RABGAP1L: variants seen among roughly 807,000 people sequenced by gnomAD.
RABGAP1L encodes the protein RAB GTPase activating protein 1 like, also known as rab GTPase-activating protein 1-like.
In RABGAP1L, 63 loss-of-function variants were observed where a neutral mutation model predicts 137.7. That is an observed-to-expected ratio of 0.46 (90% CI 0.37 to 0.56). The LOEUF is 0.56. RABGAP1L is among the 20% of genes least tolerant of loss of function. The probability of loss-of-function intolerance (pLI) is 0.00; values close to 1 mark genes in which losing one functional copy is unlikely to be tolerated. For synonymous variants in RABGAP1L, 431 were observed against 433.7 expected (o/e 0.99, Z 0.08); for missense variants, 1,095 against 1,244.0 (o/e 0.88, Z 1.80).
At chr1:174,610,353 A>AT (rs1268704117) in intron 13 of RABGAP1L, among the ~76,000 whole-genome samples, 1 of 151,092 alleles carries the variant, frequency 6.6e-6, no homozygotes, top group Non-Finnish European at 1.5e-5. Flanking sequence ...ATGATTTCCA[A>AT]TTTCATCCAT....
chr1:174,163,864 A>G (rs1359139163), intron 1 of RABGAP1L, among the ~76,000 whole-genome samples: 2 of 152,170 alleles, frequency 1.3e-5, no homozygotes, highest in Non-Finnish European at 2.9e-5. Flanking sequence ...AAATTCAGCA[A>G]GAACTATGCA....
At chr1:174,783,559 A>G (rs1482581541) in intron 18 of RABGAP1L, among the ~76,000 whole-genome samples, 1 of 152,120 alleles carries the variant, frequency 6.6e-6, no homozygotes, top group African/African-American at 2.4e-5. Context: ...GTTAATGCCT[A>G]ATACCTAAGA....
chr1:174,568,697 G>T (rs1041621648), intron 13 of RABGAP1L, among the ~76,000 whole-genome samples: 1 of 152,062 alleles, frequency 6.6e-6, no homozygotes, highest in African/African-American at 2.4e-5. Context: ...CTGAGTGTGT[G>T]TGTGTATTTG....
At chr1:174,478,535 C>T (rs1040846652) in intron 13 of RABGAP1L, among the ~76,000 whole-genome samples, 1 of 152,128 alleles carries the variant, frequency 6.6e-6, no homozygotes, top group African/African-American at 2.4e-5. Context: ...CTTGGCCTCC[C>T]AGAGTGCTGG....
chr1:174,713,658 A>T (rs1422318440), intron 17 of RABGAP1L, among the ~76,000 whole-genome samples: 1 of 152,212 alleles, frequency 6.6e-6, no homozygotes, highest in Non-Finnish European at 1.5e-5. Context: ...CCAGCAGCAG[A>T]TGCTGGCACT....
intron 13 of RABGAP1L, among the ~76,000 whole-genome samples, chr1:174,495,886 G>T (rs1014458890): frequency 6.6e-6 from 1 of 152,072 alleles, no homozygotes; most frequent in East Asian, 1.9e-4. Context: ...CTAGGTCAAA[G>T]ACTTATTTTA....
intron 18 of RABGAP1L, among the ~76,000 whole-genome samples, chr1:174,806,759 A>G (rs1484166183): frequency 6.6e-6 from 1 of 152,240 alleles, no homozygotes; most frequent in African/African-American, 2.4e-5. Flanking sequence ...TAATTACATT[A>G]CATTAATGCT....
intron 24 of RABGAP1L, among the ~76,000 whole-genome samples, chr1:174,983,433 G>A (rs1671303947): frequency 6.6e-6 from 1 of 152,134 alleles, no homozygotes; most frequent in Non-Finnish European, 1.5e-5. Flanking sequence ...AATGCATTAT[G>A]TTGATGCTCT....
chr1:174,580,137 G>T (rs1300291564), intron 13 of RABGAP1L, among the ~76,000 whole-genome samples: 1 of 152,184 alleles, frequency 6.6e-6, no homozygotes, highest in Non-Finnish European at 1.5e-5. Flanking sequence ...ACATAAACTG[G>T]ACTTCCTTAA....
rs1324567196 is a variant in RABGAP1L at position 174,159,635 on chromosome 1, AG to A, written c.-55del. On this transcript the variant is annotated 5_prime_UTR_variant, in exon 1 of 26. Coordinates refer to ENST00000681986, the MANE Select transcript of RABGAP1L (RefSeq NM_001366446.1). ...CGCCTGAAGGAGTTGTTGTCTCGGC[AG>A]CGCCCGCGGAGACGTGAAGAGGTGA... 6.6e-6 allele frequency: 1 copy of A among 152,284 alleles called. No homozygotes were observed. Among genetic ancestry groups the A allele is most frequent in the Non-Finnish European group, 1.5e-5 (1 of 68,132 alleles). 9.4% of individuals were successfully genotyped at this position (152,284 alleles called of 1,614,324 possible).
intron 13 of RABGAP1L, among the ~76,000 whole-genome samples, chr1:174,442,813 G>A (rs780814381): frequency 5.9e-5 from 9 of 152,028 alleles, no homozygotes; most frequent in Non-Finnish European, 1.0e-4. Context: ...CCACTAGAAC[G>A]TATTCCTTCT....
chr1:174,349,661 G>C, intron 11 of RABGAP1L, among the ~76,000 whole-genome samples: 1 of 100,488 alleles, frequency 1.0e-5, no homozygotes, highest in African/African-American at 3.9e-5. Context: ...CCTCCCGGAC[G>C]AGGCGGCTGG....
At chr1:174,406,711 G>A (rs1649324645) in intron 13 of RABGAP1L, among the ~76,000 whole-genome samples, 1 of 152,132 alleles carries the variant, frequency 6.6e-6, no homozygotes. Flanking sequence ...AAGGCAGGAA[G>A]ATCTCGAGTC....
At chr1:174,229,531 T>C (rs573276006) in intron 3 of RABGAP1L, among the ~76,000 whole-genome samples, 7 of 152,186 alleles carry the variant, frequency 4.6e-5, no homozygotes. Flanking sequence ...GGAATTTCGG[T>C]GTTTAAACGG....
chr1:174,718,359 T>G (rs991859058), intron 17 of RABGAP1L, among the ~76,000 whole-genome samples: 8 of 152,202 alleles, frequency 5.3e-5, no homozygotes, highest in Non-Finnish European at 1.2e-4. Context: ...GCTCATCTGT[T>G]GGCATAACTT....
intron 18 of RABGAP1L, among the ~76,000 whole-genome samples, chr1:174,785,729 T>C (rs1484628804): frequency 6.6e-6 from 1 of 152,246 alleles, no homozygotes; most frequent in Non-Finnish European, 1.5e-5. Context: ...CTCTCATGTC[T>C]ATAACCCACG....
chr1:174,647,273 C>T (rs1222295111), intron 14 of RABGAP1L, among the ~76,000 whole-genome samples: 1 of 152,092 alleles, frequency 6.6e-6, no homozygotes, highest in Non-Finnish European at 1.5e-5. Flanking sequence ...AGAGGGCATC[C>T]TTGTCTTGTG....
intron 13 of RABGAP1L, among the ~76,000 whole-genome samples, chr1:174,430,652 T>C (rs1299146749): frequency 1.3e-5 from 2 of 152,132 alleles, no homozygotes; most frequent in Non-Finnish European, 2.9e-5. Flanking sequence ...AACCTAATAG[T>C]TAGAGTTCAG....
chr1:174,330,813 A>T (rs1232508250), intron 11 of RABGAP1L, among the ~76,000 whole-genome samples: 1 of 152,198 alleles, frequency 6.6e-6, no homozygotes. Context: ...TTCCAATGAC[A>T]TTCTTCACAG....
Sources: allele counts gnomAD v4.1 joint callset (sites outside exome capture counted in the v4.1 genomes callset), GRCh38; gene constraint gnomAD v4.1.1; transcripts MANE v1.5; gene names NCBI Gene and HGNC (gene_info 2026-07-23, HGNC 2026-07-21).